The following NEURL1 variants were observed in gnomAD, a reference collection of about 807,000 sequenced individuals.
NEURL1 encodes the protein E3 ubiquitin-protein ligase NEURL1.
NEURL1 carries 26 observed loss-of-function variants against 41.2 expected under a neutral mutation model. The observed-to-expected ratio is 0.63, with a 90% CI of 0.46 to 0.87. NEURL1 has a LOEUF of 0.87. NEURL1 is among the 40% of genes least tolerant of loss of function. NEURL1 has a pLI of 0.00. For missense variants in NEURL1, 761 were observed against 871.1 expected (o/e 0.87, Z 1.59); for synonymous variants, 400 against 402.3 (o/e 0.99, Z 0.07).
rs2035526313 is a variant in NEURL1, at chr10:103,570,896, T to A, written c.110T>A (p.Val37Asp). The A allele has an allele frequency of 1.2e-6, 2 of 1,613,488 alleles. No individual in the cohort carries two copies. The highest frequency in any genetic ancestry group is 1.7e-6 in the Non-Finnish European group (2 of 1,179,808). ...LKDSIGGPFPVTSHRCHHKQK... is the reference protein window; with the variant it reads ...LKDSIGGPFPDTSHRCHHKQK... ...GACTCTATCGGGGGCCCCTTCCCCG[T>A]CACTTCTCACCGATGCCACCACAAG... is the stretch of plus-strand genomic sequence containing the variant. The change falls in exon 2 of 6, where the codon GTC becomes GAC. Residue 37 changes from valine (V) to aspartate (D), a missense_variant. Coordinates refer to ENST00000369780, the MANE Select transcript of NEURL1 (RefSeq NM_004210.5).
intron 1 of NEURL1, among the ~76,000 whole-genome samples, chr10:103,509,180 C>T (rs1166690853): frequency 2.0e-5 from 3 of 149,024 alleles, no homozygotes; most frequent in Admixed American, 6.7e-5. Flanking sequence ...TGCAGTGAGC[C>T]AAGATCGCAC....
chr10:103,522,036 C>T (rs1021117438), intron 1 of NEURL1, among the ~76,000 whole-genome samples: 3 of 151,984 alleles, frequency 2.0e-5, no homozygotes, highest in Non-Finnish European at 2.9e-5. Flanking sequence ...GCAGGGGTCA[C>T]AAGGTGCTCA....
At chr10:103,540,235 G>A (rs1477658271) in intron 1 of NEURL1, among the ~76,000 whole-genome samples, 2 of 152,140 alleles carry the variant, frequency 1.3e-5, no homozygotes. Flanking sequence ...ATCATAATGT[G>A]AGAACATTTT....
intron 1 of NEURL1, among the ~76,000 whole-genome samples, chr10:103,510,420 G>A (rs2034042721): frequency 6.6e-6 from 1 of 152,188 alleles, no homozygotes; most frequent in African/African-American, 2.4e-5. Context: ...ATCTTAACGT[G>A]TGCTGAGCGG....
chr10:103,519,050 GC>G (rs779078654), intron 1 of NEURL1, among the ~76,000 whole-genome samples: 34 of 152,116 alleles, frequency 2.2e-4, no homozygotes, highest in Non-Finnish European at 4.4e-4. Context: ...TTCAAAATCA[GC>G]CTGGGCAACA....
intron 1 of NEURL1, among the ~76,000 whole-genome samples, chr10:103,528,703 T>C (rs1220652793): frequency 6.6e-6 from 1 of 152,234 alleles, no homozygotes; most frequent in Non-Finnish European, 1.5e-5. Context: ...AACAGCAATA[T>C]GTTTCACAAC....
Position 103,559,949 on chromosome 10 carries a change from C to T in NEURL1, c.86-10923C>T, listed in dbSNP as rs930662633. Among the ~76,000 whole-genome samples the T allele has an allele frequency of 4.0e-5, 6 of 151,872 alleles. No individual in the cohort carries two copies. The South Asian group carries it at 6.3e-4, about 16-fold the overall frequency. ...CACATATTACACACATGCACACACA[C>T]GTACATGCACGCACATATATACACA... On this transcript the variant is annotated intron_variant, in intron 1 of 5. Coordinates refer to ENST00000369780, the MANE Select transcript of NEURL1 (RefSeq NM_004210.5).
intron 1 of NEURL1, among the ~76,000 whole-genome samples, chr10:103,520,887 G>A (rs1320307296): frequency 6.6e-6 from 1 of 152,130 alleles, no homozygotes; most frequent in Non-Finnish European, 1.5e-5. Context: ...GATTGGTGAT[G>A]GCCTGGATAC....
chr10:103,509,996 C>T (rs2034033675), intron 1 of NEURL1, among the ~76,000 whole-genome samples: 2 of 152,084 alleles, frequency 1.3e-5, no homozygotes, highest in South Asian at 4.1e-4. Flanking sequence ...GATTCTCTCC[C>T]TGGGTGGGGT....
At position 103,584,839 on chromosome 10, in the gene NEURL1, A is replaced by G. The variant is rs968819375; in HGVS notation, c.953A>G (p.His318Arg). The G allele has an allele frequency of 7.4e-5, 104 of 1,406,102 alleles. No individual in the cohort carries two copies. Among genetic ancestry groups the G allele is most frequent in the Non-Finnish European group, 8.7e-5 (95 of 1,089,736 alleles). The allele number at this position is 1,406,102 out of a possible 1,614,324, so 87.1% of individuals were successfully genotyped here. Residue 318 changes from histidine (H) to arginine (R), a missense_variant, in exon 4 of 6, where the codon CAC (histidine) becomes CGC (arginine). Coordinates refer to ENST00000369780, the MANE Select transcript of NEURL1 (RefSeq NM_004210.5). ...GAGCAGACGGTGGCGCGCGTGGAGC[A>G]CGGGCGCGACGAGCGCGCGCTCGTC... The part of the protein sequence containing the change: ...LDEQTVARVE[H>R]GRDERALVFT...
rs138172116 is a variant in NEURL1 at position 103,570,999 on chromosome 10, C to T, written c.213C>T (p.Gly71=). Residue 71 remains glycine, a synonymous_variant, in exon 2 of 6, where the codon GGC becomes GGT. Coordinates refer to ENST00000369780, the MANE Select transcript of NEURL1 (RefSeq NM_004210.5). ...TPLLFHPHTK[G]SQILMDLSHK... is the part of the protein sequence containing the mutation. Reference sequence around the variant, plus strand: ...TGCTCTTCCACCCGCACACCAAGGGCTCCCAGATCCTCATGGACCTCAGCC... The same window carrying T: ...TGCTCTTCCACCCGCACACCAAGGGTTCCCAGATCCTCATGGACCTCAGCC... The T allele has an allele frequency of 1.3e-4, 207 of 1,614,042 alleles. No individual in the cohort carries two copies. In the African/African-American group the frequency reaches 2.3e-3, roughly 18 times the overall value.
Position 103,589,571 on chromosome 10 carries a change from C to T in NEURL1, c.1397C>T (p.Thr466Met), listed in dbSNP as rs35831808. The stretch of plus-strand genomic sequence containing the variant: ...TCACTCCCCTGCTCCCCTGCCTCCA[C>T]GCCAACCTCGCCCAGTGCCCTGGGC... ...IPSLPCSPAS[T>M]PTSPSALGSR... Residue 466 changes from threonine (T) to methionine (M), a missense_variant, in exon 5 of 6, where the codon ACG becomes ATG. This residue lies in a region of NEURL1 where 443 missense variants were observed against 408.1 expected (regional missense o/e 1.09). Coordinates refer to ENST00000369780, the MANE Select transcript of NEURL1 (RefSeq NM_004210.5). The T allele has an allele frequency of 3.3e-4, 538 of 1,613,900 alleles. 2 individuals are homozygous for T. Among genetic ancestry groups the T allele is most frequent in the Admixed American group, 8.3e-5 (5 of 60,000 alleles).
At chr10:103,502,803 C>T (rs763969732) in intron 1 of NEURL1, among the ~76,000 whole-genome samples, 5 of 152,178 alleles carry the variant, frequency 3.3e-5, no homozygotes, top group Non-Finnish European at 1.5e-5. Context: ...TGGGCACTGC[C>T]CAGGGTGTGC....
rs182380126 is a variant in NEURL1, at chr10:103,571,725, C to T, written c.552C>T (p.Asp184=). Residue 184 remains aspartate, a synonymous_variant, in exon 3 of 6, where the codon GAC becomes GAT. Coordinates refer to ENST00000369780, the MANE Select transcript of NEURL1 (RefSeq NM_004210.5). ...KKGRVFHRIN[D]SAVMLFFSGV... ...GCCGTGTCTTCCACCGCATCAACGACTCGGCTGTTATGCTGTTCTTCAGCG... is the reference window on the plus strand; with the variant it reads ...GCCGTGTCTTCCACCGCATCAACGATTCGGCTGTTATGCTGTTCTTCAGCG... 1.0e-4 allele frequency: 166 copies of T among 1,614,226 alleles called. No homozygotes were observed. In the East Asian group the frequency reaches 3.6e-3, roughly 35 times the overall value.
At chr10:103,546,972 G>T (rs760029951) in intron 1 of NEURL1, among the ~76,000 whole-genome samples, 3 of 152,198 alleles carry the variant, frequency 2.0e-5, no homozygotes, top group East Asian at 3.8e-4. Flanking sequence ...GTAAGGAAGG[G>T]TAAGGTCAGG....
intron 1 of NEURL1, among the ~76,000 whole-genome samples, chr10:103,542,170 C>A (rs2034833482): frequency 6.6e-6 from 1 of 152,164 alleles, no homozygotes; most frequent in Non-Finnish European, 1.5e-5. Context: ...GGCACGCTGG[C>A]TGTATGTGAG....
intron 1 of NEURL1, among the ~76,000 whole-genome samples, chr10:103,563,208 G>T (rs981988919): frequency 6.6e-6 from 1 of 152,184 alleles, no homozygotes; most frequent in African/African-American, 2.4e-5. Context: ...TTTTAAAAAA[G>T]ACCTTATGTT....
At position 103,571,653 on chromosome 10, in the gene NEURL1, G is replaced by A. The variant is rs1269191353; in HGVS notation, c.480G>A (p.Glu160=). 1.9e-5 allele frequency: 30 copies of A among 1,614,068 alleles called. No individual in the cohort carries two copies. In the East Asian group the frequency reaches 6.5e-4, roughly 35 times the overall value. Reference sequence around the variant, plus strand: ...TCTGGGCCAAGGCGCTGCCTGAGGAGTTTGCCAATGAGGGCAACATCATCG... The same window carrying A: ...TCTGGGCCAAGGCGCTGCCTGAGGAATTTGCCAATGAGGGCAACATCATCG... ...SGFWAKALPE[E]FANEGNIIAF... is the part of the protein sequence containing the mutation. The change falls in exon 3 of 6, where the codon GAG becomes GAA. Residue 160 remains glutamate (E), a synonymous_variant. Transcript: ENST00000369780.
At chr10:103,541,212 G>A (rs1230351799) in intron 1 of NEURL1, among the ~76,000 whole-genome samples, 1 of 152,170 alleles carries the variant, frequency 6.6e-6, no homozygotes, top group African/African-American at 2.4e-5. Flanking sequence ...TCGTGTGTTA[G>A]GCAGGTCATG....
Sources: gnomAD v4.1 joint callset for allele counts (sites outside exome capture counted in the v4.1 genomes callset) on GRCh38, gnomAD v4.1.1 for gene constraint, gnomAD v4.1.1 regional missense constraint, MANE v1.5 for transcripts, NCBI Gene and HGNC (gene_info 2026-07-23, HGNC 2026-07-21) for gene names.